KCNQ1: variants seen among roughly 807,000 people sequenced by gnomAD.
KCNQ1 encodes the protein potassium voltage-gated channel subfamily KQT member 1.
KCNQ1 carries 49 observed loss-of-function variants against 72.4 expected under a neutral mutation model. The ratio of observed to expected loss-of-function variants is 0.68; its 90% CI spans 0.54 to 0.86. The LOEUF (loss-of-function observed/expected upper bound fraction) is 0.86, where lower values mean the gene tolerates loss of function less well. KCNQ1 is among the 40% of genes least tolerant of loss of function. The pLI is 0.00. For synonymous variants in KCNQ1, 450 were observed against 412.6 expected, an observed-to-expected ratio of 1.09 and a Z score of -1.10; for missense variants, 790 against 945.1, an observed-to-expected ratio of 0.84 and a Z score of 2.15.
Position 2,475,892 on chromosome 11 carries a change from T to G in KCNQ1, c.386+30408T>G, listed in dbSNP as rs1468090177. Among the ~76,000 whole-genome samples the G allele has an allele frequency of 6.6e-6, 1 of 152,224 alleles. No homozygotes were observed. The highest frequency in any genetic ancestry group is 1.5e-5 in the Non-Finnish European group (1 of 68,046). ...TCCTCCTTGCCTTCCGCCATGATTG[T>G]GAGGCTTCCCCAGCCACATGGAACT... is the stretch of plus-strand genomic sequence containing the variant. On this transcript the variant is annotated intron_variant, in intron 1 of 15. Transcript: ENST00000155840. The surrounding 1 kb of genome is among the most constrained non-coding windows in gnomAD (Gnocchi z 5.8).
intron 11 of KCNQ1, among the ~76,000 whole-genome samples, chr11:2,761,966 G>T (rs59777294): frequency 0.048 from 7,300 of 152,354 alleles, 398 homozygotes; most frequent in East Asian, 0.2. Context: ...GATCTGAGGA[G>T]CCCCGAGTGT....
chr11:2,806,322 G>A (rs1274403615), intron 15 of KCNQ1, among the ~76,000 whole-genome samples: 3 of 152,330 alleles, frequency 2.0e-5, no homozygotes, highest in African/African-American at 7.2e-5. Context: ...GGAAGGGAGG[G>A]AGGTACGCAG....
rs1441327868 is a variant in KCNQ1 at position 2,599,780 on chromosome 11, T to G, written c.1393+10926T>G. On this transcript the variant is annotated intron_variant, in intron 10 of 15. Coordinates refer to ENST00000155840, the MANE Select transcript of KCNQ1 (RefSeq NM_000218.3). This position sits in a 1 kb window ranked among gnomAD's most constrained non-coding sequence, Gnocchi z 4.7. ...TTCTCTGTGTGTCCAAATATCCTTT[T>G]CTTTAAGGGCACCAGTCACACTGGA... Among the ~76,000 whole-genome samples, 1 of 152,208 alleles carries G rather than the reference T, an allele frequency of 6.6e-6. No individual in the cohort carries two copies. The highest frequency in any genetic ancestry group is 6.5e-5 in the Admixed American group (1 of 15,284).
chr11:2,800,851 G>A (rs1847249398), intron 15 of KCNQ1, among the ~76,000 whole-genome samples: 1 of 152,218 alleles, frequency 6.6e-6, no homozygotes, highest in South Asian at 2.1e-4. Context: ...GGAGAATTCA[G>A]CTATGGTAAG....
chr11:2,499,009 G>A (rs903740582), intron 1 of KCNQ1, among the ~76,000 whole-genome samples: 1 of 152,114 alleles, frequency 6.6e-6, no homozygotes, highest in African/African-American at 2.4e-5. Context: ...TCCCAGGTGA[G>A]GCGATGCCCC....
chr11:2,562,211 G>A lies in KCNQ1; in HGVS notation c.478-8417G>A, dbSNP rs1235671588. Among the ~76,000 whole-genome samples the A allele has an allele frequency of 2.0e-5, 3 of 152,048 alleles. No homozygotes were observed. Among genetic ancestry groups the A allele is most frequent in the African/African-American group, 4.8e-5 (2 of 41,430 alleles). On this transcript the variant is annotated intron_variant, in intron 2 of 15. Transcript: ENST00000155840. The surrounding 1 kb of genome is among the most constrained non-coding windows in gnomAD (Gnocchi z 7.5). ...CGGGGTGGGGACTGGTACTCCCCGG[G>A]GGGTGGGGGTGAGGGCGGGGGTGAG...
rs760173098 is a variant in KCNQ1 at position 2,627,295 on chromosome 11, T to C, written c.1394-34666T>C. The C allele has an allele frequency of 1.0e-5, 4 of 398,452 alleles. No homozygotes were observed. The highest frequency in any genetic ancestry group is 2.1e-5 in the African/African-American group (1 of 48,636). The allele number at this position is 398,452 out of a possible 1,614,324, so 24.7% of individuals were successfully genotyped here. A position where few individuals can be genotyped will look rare whatever the true frequency, so the allele number is the denominator to read the frequency against. On this transcript the variant is annotated intron_variant, in intron 10 of 15. Transcript: ENST00000155840. The surrounding 1 kb of genome is among the most constrained non-coding windows in gnomAD (Gnocchi z 4.9). ...GCCAATTAACATATACCTTACATAGTTGCCATGTGTGTGCGTGTGTGTGGT... is the reference window on the plus strand; with the variant it reads ...GCCAATTAACATATACCTTACATAGCTGCCATGTGTGTGCGTGTGTGTGGT...
At chr11:2,636,229 G>C (rs889811365) in intron 10 of KCNQ1, 1 of 152,192 alleles carries the variant, frequency 6.6e-6, no homozygotes, top group Non-Finnish European at 1.5e-5. Flanking sequence ...ATGTTGAATA[G>C]GAGTGGTGAG....
Position 2,539,677 on chromosome 11 carries a change from C to T in KCNQ1, c.477+11659C>T, listed in dbSNP as rs989729881. 3.3e-5 allele frequency among the ~76,000 whole-genome samples: 5 copies of T among 152,346 alleles called. No homozygotes were observed. The East Asian group carries it at 5.8e-4, about 18-fold the overall frequency. ...AGGCCAGTTCCCGTGTTTTCTCTCC[C>T]GCCTTCCCCATAGTCCAGGACAAAA... is the stretch of plus-strand genomic sequence containing the variant. On this transcript the variant is annotated intron_variant, in intron 2 of 15. Transcript: ENST00000155840.
intron 2 of KCNQ1, among the ~76,000 whole-genome samples, chr11:2,534,130 C>T (rs1235852236): frequency 6.6e-6 from 1 of 152,140 alleles, no homozygotes; most frequent in South Asian, 2.1e-4. Flanking sequence ...GCCTCAGTTT[C>T]CCTCCCAGCA....
Position 2,481,362 on chromosome 11 carries a change from C to T in KCNQ1, c.386+35878C>T, listed in dbSNP as rs561903291. On this transcript the variant is annotated intron_variant, in intron 1 of 15. Coordinates refer to ENST00000155840, the MANE Select transcript of KCNQ1 (RefSeq NM_000218.3). This position sits in a 1 kb window ranked among gnomAD's most constrained non-coding sequence, Gnocchi z 4.6. Reference sequence around the variant, plus strand: ...GTCTTTTTCTCGGCGTGTGTGTGTGCGCGCGTGCATGCACATGTTTCTACT... The same window carrying T: ...GTCTTTTTCTCGGCGTGTGTGTGTGTGCGCGTGCATGCACATGTTTCTACT... Among the ~76,000 whole-genome samples the T allele has an allele frequency of 9.2e-5, 14 of 152,138 alleles. No individual in the cohort carries two copies. The East Asian group carries it at 1.2e-3, about 13-fold the overall frequency.
chr11:2,665,861 G>A (rs186216134), intron 11 of KCNQ1: 2 of 398,766 alleles, frequency 5.0e-6, no homozygotes, highest in African/African-American at 2.1e-5. Flanking sequence ...GAGGATCTGC[G>A]GCTCTGAACT....
At position 2,507,780 on chromosome 11, in the gene KCNQ1, G is replaced by T. The variant is rs1847128673; in HGVS notation, c.387-20148G>T. On this transcript the variant is annotated intron_variant, in intron 1 of 15. Coordinates refer to ENST00000155840, the MANE Select transcript of KCNQ1 (RefSeq NM_000218.3). The surrounding 1 kb of genome is among the most constrained non-coding windows in gnomAD (Gnocchi z 5.4). Reference sequence around the variant, plus strand: ...CTAGACAGGGCCTCCTGTAGCCTGGGTGGGTGGAAGGGCAGAGGGCAAGGG... The same window carrying T: ...CTAGACAGGGCCTCCTGTAGCCTGGTTGGGTGGAAGGGCAGAGGGCAAGGG... Among the ~76,000 whole-genome samples the T allele has an allele frequency of 6.6e-6, 1 of 152,072 alleles. No individual in the cohort carries two copies. Among genetic ancestry groups the T allele is most frequent in the East Asian group, 1.9e-4 (1 of 5,170 alleles).
Position 2,784,576 on chromosome 11 carries a change from G to A in KCNQ1, c.1794+6539G>A, listed in dbSNP as rs1846879336. ...TCAATTAAAAAAGAAGGGCCTGCTGGGATTTTGATAGGCATTGTGTTGAAT... is the reference window on the plus strand; with the variant it reads ...TCAATTAAAAAAGAAGGGCCTGCTGAGATTTTGATAGGCATTGTGTTGAAT... On this transcript the variant is annotated intron_variant, in intron 15 of 15. Coordinates refer to ENST00000155840, the MANE Select transcript of KCNQ1 (RefSeq NM_000218.3). The surrounding 1 kb of genome is among the most constrained non-coding windows in gnomAD (Gnocchi z 4.7). Among the ~76,000 whole-genome samples the A allele has an allele frequency of 6.6e-6, 1 of 151,846 alleles. No individual in the cohort carries two copies. Among genetic ancestry groups the A allele is most frequent in the South Asian group, 2.1e-4 (1 of 4,824 alleles).
Position 2,541,393 on chromosome 11 carries a change from G to A in KCNQ1, c.477+13375G>A, listed in dbSNP as rs557820383. ...TATTTCATTTTAGCTTTCTTTAGCGGGGCCTGTGTCTCTTCTCACTGACCG... is the reference window on the plus strand; with the variant it reads ...TATTTCATTTTAGCTTTCTTTAGCGAGGCCTGTGTCTCTTCTCACTGACCG... On this transcript the variant is annotated intron_variant, in intron 2 of 15. Transcript: ENST00000155840. The surrounding 1 kb of genome is among the most constrained non-coding windows in gnomAD (Gnocchi z 4.8). 1.3e-5 allele frequency among the ~76,000 whole-genome samples: 2 copies of A among 152,298 alleles called. No individual in the cohort carries two copies. Among genetic ancestry groups the A allele is most frequent in the East Asian group, 3.9e-4 (2 of 5,158 alleles).
chr11:2,777,838 T>C (rs1364639235), intron 14 of KCNQ1, 138 bp from the exon 15 acceptor site: 1 of 731,750 alleles, frequency 1.4e-6, no homozygotes, highest in East Asian at 2.6e-5. Flanking sequence ...GCATGCTTTT[T>C]AAAAATGTCC....
At chr11:2,519,519 C>T (rs745626320) in intron 1 of KCNQ1, among the ~76,000 whole-genome samples, 7 of 152,150 alleles carry the variant, frequency 4.6e-5, no homozygotes, top group Non-Finnish European at 7.4e-5. Flanking sequence ...CTTTGGGAGA[C>T]TGAGTTGGGA....
intron 11 of KCNQ1, among the ~76,000 whole-genome samples, chr11:2,755,208 G>A (rs1846280709): frequency 6.6e-6 from 1 of 151,902 alleles, no homozygotes; most frequent in Non-Finnish European, 1.5e-5. Context: ...AGCTCTCTCT[G>A]ACCACAGCCA....
intron 10 of KCNQ1, chr11:2,630,459 G>A (rs1849335059): frequency 2.5e-6 from 1 of 397,994 alleles, no homozygotes; most frequent in South Asian, 1.3e-4. Flanking sequence ...CTTTGTTTGG[G>A]GGGAATATTT....
Sources: gnomAD v4.1 joint callset for allele counts (sites outside exome capture counted in the v4.1 genomes callset) on GRCh38, gnomAD v4.1.1 for gene constraint, Gnocchi (gnomAD v3.1) non-coding constraint, MANE v1.5 for transcripts, NCBI Gene and HGNC (gene_info 2026-07-23, HGNC 2026-07-21) for gene names.